Variants in ITGB5 observed in about 807,000 individuals in gnomAD.
ITGB5 encodes integrin subunit beta 5, also known as integrin beta-5.
Under a neutral mutation model 84.8 loss-of-function variants are expected in ITGB5, and 38 were observed. That is an observed-to-expected ratio of 0.45 (90% CI 0.35 to 0.59). The LOEUF is 0.59. Ranked by LOEUF, ITGB5 falls within the 20% of genes least tolerant of loss-of-function variation. The probability of loss-of-function intolerance (pLI) is 0.01; values close to 1 mark genes in which losing one functional copy is unlikely to be tolerated. For synonymous variants in ITGB5, 393 were observed against 414.4 expected (o/e 0.95, Z 0.63); for missense variants, 905 against 1,034.5 (o/e 0.87, Z 1.72).
intron 3 of ITGB5, among the ~76,000 whole-genome samples, chr3:124,856,014 A>G (rs9809420): frequency 0.18 from 27,411 of 151,808 alleles, 2,496 homozygotes; most frequent in South Asian, 0.21. Context: ...CTTCATCTAG[A>G]CTGGAGCCTC....
intron 5 of ITGB5, among the ~76,000 whole-genome samples, chr3:124,837,277 C>T (rs752993764): frequency 3.9e-5 from 6 of 152,208 alleles, no homozygotes; most frequent in Non-Finnish European, 7.3e-5. Context: ...ATCACACTTC[C>T]GCCTGCACAA....
In ITGB5 at chr3:124,821,458, C is replaced by T. The variant is rs867662692; in HGVS notation, c.797G>A (p.Arg266Gln). 5.6e-6 allele frequency: 9 copies of T among 1,614,082 alleles called. No individual in the cohort carries two copies. The highest frequency in any genetic ancestry group is 2.2e-5 in the East Asian group (1 of 44,894). The change falls in exon 6 of 15, where the codon CGA becomes CAA. Residue 266 changes from arginine (R) to glutamine (Q), a missense_variant. By Grantham distance (43) the Arg-to-Gln change is conservative. Transcript: ENST00000296181. ...CACCAGCAAATGCAGTGCATCCTTT[C>T]GCCAGCCAATCTTCTCCTGAAGGAC... ...AAVCKEKIGW[R>Q]KDALHLLVFT...
chr3:124,778,897 G>C (rs1157372688), intron 10 of ITGB5, among the ~76,000 whole-genome samples: 1 of 152,050 alleles, frequency 6.6e-6, no homozygotes, highest in African/African-American at 2.4e-5. Flanking sequence ...AGGAGTTCAG[G>C]GAAACAGGGT....
chr3:124,859,677 A>T (rs370539408), intron 2 of ITGB5, among the ~76,000 whole-genome samples: 5 of 152,352 alleles, frequency 3.3e-5, no homozygotes, highest in African/African-American at 1.2e-4. Context: ...AACACATAAT[A>T]AAAATGTTCG....
chr3:124,769,993 GTCA>G (rs1276112862), intron 11 of ITGB5: 1 of 152,224 alleles, frequency 6.6e-6, no homozygotes, highest in Non-Finnish European at 1.5e-5. Flanking sequence ...CAATTAAATG[GTCA>G]TTATTATACT....
chr3:124,809,781 A>T (rs1367822003), intron 8 of ITGB5, among the ~76,000 whole-genome samples: 1 of 152,238 alleles, frequency 6.6e-6, no homozygotes, highest in Non-Finnish European at 1.5e-5. Context: ...GAATCAAACA[A>T]AAATCAAGTC....
At chr3:124,804,347 G>C (rs2064361074) in intron 9 of ITGB5, among the ~76,000 whole-genome samples, 1 of 152,100 alleles carries the variant, frequency 6.6e-6, no homozygotes, top group Non-Finnish European at 1.5e-5. Flanking sequence ...AACATAGCAA[G>C]ACTCTGTTTC....
chr3:124,842,048 T>C (rs931909393), intron 4 of ITGB5, among the ~76,000 whole-genome samples: 1 of 152,252 alleles, frequency 6.6e-6, no homozygotes, highest in South Asian at 2.1e-4. Flanking sequence ...AATCTTGTCA[T>C]GTCAATCCAC....
At chr3:124,817,527 G>T in intron 8 of ITGB5, 94 bp downstream of exon 8, 1 of 648,942 alleles carries the variant, frequency 1.5e-6, no homozygotes, top group Non-Finnish European at 2.7e-6. Flanking sequence ...AGAGCAGCAC[G>T]GAGAACTGCC....
At chr3:124,773,639 C>T in intron 11 of ITGB5, 51 bp downstream of exon 11, 2 of 1,568,542 alleles carry the variant, frequency 1.3e-6, no homozygotes, top group Non-Finnish European at 1.7e-6. Context: ...GGCTGGACCA[C>T]AGGCCTGGCC....
intron 11 of ITGB5, among the ~76,000 whole-genome samples, chr3:124,771,957 C>CAAGA (rs2063851982): frequency 6.6e-6 from 1 of 152,240 alleles, no homozygotes; most frequent in South Asian, 2.1e-4. Flanking sequence ...CATAGGAAGG[C>CAAGA]AAGACTCATT....
intron 1 of ITGB5, among the ~76,000 whole-genome samples, chr3:124,898,425 C>T (rs1407311944): frequency 1.3e-5 from 2 of 149,778 alleles, no homozygotes; most frequent in East Asian, 2.0e-4. Flanking sequence ...AGGCGGATCA[C>T]GACGTCAGGA....
chr3:124,897,572 A>G (rs1165363988), intron 1 of ITGB5, among the ~76,000 whole-genome samples: 1 of 152,230 alleles, frequency 6.6e-6, no homozygotes, highest in African/African-American at 2.4e-5. Flanking sequence ...CTGTAATCCC[A>G]GCACTTGGGA....
intron 11 of ITGB5, chr3:124,770,058 T>A (rs1214868832): frequency 6.6e-6 from 1 of 152,262 alleles, no homozygotes; most frequent in East Asian, 1.9e-4. Context: ...TTCGGAGACA[T>A]CTGGGAGAAC....
intron 9 of ITGB5, among the ~76,000 whole-genome samples, chr3:124,804,171 T>C (rs1208702770): frequency 6.6e-6 from 1 of 152,230 alleles, no homozygotes; most frequent in Non-Finnish European, 1.5e-5. Context: ...ATTAGTTCCT[T>C]TGACCTTTCT....
At chr3:124,893,185 A>T (rs1465401819) in intron 1 of ITGB5, among the ~76,000 whole-genome samples, 5 of 152,166 alleles carry the variant, frequency 3.3e-5, no homozygotes, top group African/African-American at 1.2e-4. Context: ...AGGCAGGAAG[A>T]TCACCAGAGG....
At chr3:124,860,452 T>C (rs1415490421) in intron 2 of ITGB5, among the ~76,000 whole-genome samples, 1 of 152,224 alleles carries the variant, frequency 6.6e-6, no homozygotes, top group Non-Finnish European at 1.5e-5. Context: ...GTTTGTATGA[T>C]AACGACACAT....
rs1223688511 is a variant in ITGB5 at position 124,791,151 on chromosome 3, T to G, written c.1693+5237A>C. On this transcript the variant is annotated intron_variant, in intron 10 of 14. Transcript: ENST00000296181. ...AATCTTTTATTACATGAAAAACAAC[T>G]GAACAGAACATGTCCTGCTTCTCAT... The G allele has an allele frequency of 3.9e-5, 6 of 152,296 alleles. No homozygotes were observed. In the South Asian group the frequency reaches 1.0e-3, roughly 26 times the overall value. The allele number at this position is 152,296 out of a possible 1,614,324, so 9.4% of individuals were successfully genotyped here.
chr3:124,897,653 A>G (rs1413603356), intron 1 of ITGB5, among the ~76,000 whole-genome samples: 2 of 152,206 alleles, frequency 1.3e-5, no homozygotes, highest in African/African-American at 4.8e-5. Context: ...CCCCATCTCT[A>G]CAAAATAAAG....
Sources: gnomAD v4.1 joint callset for allele counts (sites outside exome capture counted in the v4.1 genomes callset) on GRCh38, gnomAD v4.1.1 for gene constraint, MANE v1.5 for transcripts, NCBI Gene and HGNC (gene_info 2026-07-23, HGNC 2026-07-21) for gene names.